The following C8B variants were observed in gnomAD, a reference collection of about 807,000 sequenced individuals.
C8B encodes complement C8 beta chain.
In C8B, 67 loss-of-function variants were observed where a neutral mutation model predicts 64.6. The observed-to-expected ratio is 1.04, with a 90% CI of 0.85 to 1.27. The LOEUF is 1.27. Ranked by LOEUF, C8B falls within the 50% of genes most tolerant of loss-of-function variation. The pLI is 0.00. For missense variants in C8B, 790 were observed against 725.2 expected, an observed-to-expected ratio of 1.09 and a Z score of -1.03; for synonymous variants, 284 against 257.7, an observed-to-expected ratio of 1.10 and a Z score of -0.98.
chr1:56,961,719 A>G (rs1336364409), intron 1 of C8B, among the ~76,000 whole-genome samples: 3 of 152,192 alleles, frequency 2.0e-5, no homozygotes, highest in South Asian at 4.1e-4. Flanking sequence ...GTCATTAACA[A>G]TATGTTCTCA....
At chr1:56,955,904 T>C (rs1187020559) in intron 3 of C8B, among the ~76,000 whole-genome samples, 1 of 152,196 alleles carries the variant, frequency 6.6e-6, no homozygotes, top group Non-Finnish European at 1.5e-5. Flanking sequence ...GATGGAGAAA[T>C]AGAGAACCAT....
At chr1:56,954,037 G>T (rs1645063678) in intron 4 of C8B, among the ~76,000 whole-genome samples, 1 of 152,140 alleles carries the variant, frequency 6.6e-6, no homozygotes, top group African/African-American at 2.4e-5. Context: ...CCCAGGCTGT[G>T]TCTCATATGA....
intron 8 of C8B, among the ~76,000 whole-genome samples, chr1:56,941,497 GATAGATAGATAC>G (rs145857540): frequency 0.12 from 4,790 of 39,646 alleles, 89 homozygotes; most frequent in African/African-American, 0.14. Context: ...GATAATAGTA[GATAGATAGATAC>G]ATAGATAGAT....
In C8B at chr1:56,965,157, G is replaced by A. The variant is rs186416731; in HGVS notation, c.92+700C>T. Among the ~76,000 whole-genome samples the A allele has an allele frequency of 3.7e-4, 56 of 152,286 alleles. 1 individual carries two copies. The South Asian group carries it at 0.01, about 28-fold the overall frequency. On this transcript the variant is annotated intron_variant, in intron 1 of 11. Coordinates refer to ENST00000371237, the MANE Select transcript of C8B (RefSeq NM_000066.4). ...CTCTTCCCACAGGAGTGTTTACATG[G>A]AGGCCGGGGACACATGCACACTTCA...
intron 3 of C8B, 33 bp downstream of exon 3, chr1:56,956,736 G>T: frequency 6.2e-7 from 1 of 1,611,380 alleles, no homozygotes; most frequent in Admixed American, 1.7e-5. Flanking sequence ...CTCATTTCAG[G>T]CTTTCCCCTC....
intron 4 of C8B, among the ~76,000 whole-genome samples, chr1:56,953,709 G>A (rs577897910): frequency 2.6e-4 from 39 of 152,286 alleles, no homozygotes; most frequent in Non-Finnish European, 4.1e-4. Context: ...AAAGTTCCAC[G>A]TAGATAAGTG....
chr1:56,964,417 A>G (rs1225007739), intron 1 of C8B, among the ~76,000 whole-genome samples: 3 of 152,020 alleles, frequency 2.0e-5, no homozygotes, highest in Admixed American at 1.3e-4. Context: ...ATCCCTCTCA[A>G]CTTCCTGCCG....
Position 56,956,765 on chromosome 1 carries a change from A to G in C8B, c.391+4T>C. On this transcript the variant is annotated splice_donor_region_variant and intron_variant, in intron 3 of 11. Transcript: ENST00000371237. ...TCCCCTCTTACTCCTACATTGATTT[A>G]TACCTGTCTGTGCACACACAAAGCC... is the stretch of plus-strand genomic sequence containing the variant. 1 of 1,613,938 alleles carries G rather than the reference A, an allele frequency of 6.2e-7. No homozygotes were observed.
chr1:56,953,884 T>A (rs529466229), intron 4 of C8B, among the ~76,000 whole-genome samples: 1 of 152,130 alleles, frequency 6.6e-6, no homozygotes, highest in African/African-American at 2.4e-5. Flanking sequence ...ATCTGCAAGG[T>A]GGGAATTATA....
intron 9 of C8B, among the ~76,000 whole-genome samples, chr1:56,937,115 C>T (rs995055827): frequency 1.3e-5 from 2 of 152,196 alleles, no homozygotes; most frequent in African/African-American, 2.4e-5. Flanking sequence ...TCCTTCTGGG[C>T]ACATGGTAAG....
At chr1:56,930,003 C>A (rs1644675856) in intron 11 of C8B, among the ~76,000 whole-genome samples, 1 of 152,144 alleles carries the variant, frequency 6.6e-6, no homozygotes, top group Non-Finnish European at 1.5e-5. Context: ...CTTTCCAAAG[C>A]AAAATCTCTA....
At chr1:56,938,947 G>A (rs1048997014) in intron 9 of C8B, among the ~76,000 whole-genome samples, 2 of 152,088 alleles carry the variant, frequency 1.3e-5, no homozygotes, top group Non-Finnish European at 2.9e-5. Flanking sequence ...CCAACTCAGG[G>A]TGGGAAGGTA....
At chr1:56,939,507 G>A (rs1368553958) in intron 9 of C8B, among the ~76,000 whole-genome samples, 1 of 152,156 alleles carries the variant, frequency 6.6e-6, no homozygotes, top group African/African-American at 2.4e-5. Flanking sequence ...TGCAAGGTGG[G>A]ATCTCCAGTG....
intron 2 of C8B, among the ~76,000 whole-genome samples, chr1:56,958,906 C>A (rs1645138446): frequency 1.3e-5 from 2 of 152,156 alleles, no homozygotes; most frequent in Admixed American, 6.5e-5. Context: ...TTTGGTTTCC[C>A]AAGGATCTGG....
intron 5 of C8B, among the ~76,000 whole-genome samples, chr1:56,950,504 G>C (rs1409814548): frequency 3.3e-5 from 5 of 152,198 alleles, no homozygotes; most frequent in Non-Finnish European, 7.3e-5. Context: ...GGGCCCTGGA[G>C]TGACCAGTCC....
intron 4 of C8B, among the ~76,000 whole-genome samples, chr1:56,953,019 C>T (rs141502324): frequency 6.6e-6 from 1 of 152,172 alleles, no homozygotes; most frequent in Non-Finnish European, 1.5e-5. Flanking sequence ...TTACTGTTTA[C>T]TGAGGGTGTA....
At chr1:56,950,468 G>A (rs759212281) in intron 5 of C8B, among the ~76,000 whole-genome samples, 5 of 152,194 alleles carry the variant, frequency 3.3e-5, no homozygotes, top group Non-Finnish European at 7.3e-5. Flanking sequence ...CTGTGTGTAG[G>A]GGAACTGCCA....
intron 10 of C8B, among the ~76,000 whole-genome samples, chr1:56,933,107 C>T (rs895726858): frequency 6.6e-6 from 1 of 152,194 alleles, no homozygotes; most frequent in Non-Finnish European, 1.5e-5. Flanking sequence ...TATTCCCACT[C>T]CTTGCTGTGG....
At chr1:56,930,316 G>T (rs980493777) in intron 11 of C8B, among the ~76,000 whole-genome samples, 1 of 152,156 alleles carries the variant, frequency 6.6e-6, no homozygotes, top group African/African-American at 2.4e-5. Flanking sequence ...GGTGAGATTG[G>T]CAAGTCATCA....
Sources: gnomAD v4.1 joint callset for allele counts (sites outside exome capture counted in the v4.1 genomes callset) on GRCh38, gnomAD v4.1.1 for gene constraint, MANE v1.5 for transcripts, NCBI Gene and HGNC (gene_info 2026-07-23, HGNC 2026-07-21) for gene names.